Variants in SLC2A13 observed in about 807,000 individuals in gnomAD.
The protein encoded by SLC2A13 is solute carrier family 2 member 13.
Under a neutral mutation model 64.4 loss-of-function variants are expected in SLC2A13, and 32 were observed. The ratio of observed to expected loss-of-function variants is 0.50; its 90% CI spans 0.37 to 0.67. SLC2A13 has a LOEUF of 0.67. Ranked by LOEUF, SLC2A13 falls within the 30% of genes least tolerant of loss-of-function variation. SLC2A13 has a pLI of 0.00. For missense variants in SLC2A13, 743 were observed against 829.2 expected, an observed-to-expected ratio of 0.90 and a Z score of 1.28; for synonymous variants, 338 against 327.1, an observed-to-expected ratio of 1.03 and a Z score of -0.36.
At chr12:40,044,901 G>A (rs1056128894) in intron 2 of SLC2A13, among the ~76,000 whole-genome samples, 2 of 152,116 alleles carry the variant, frequency 1.3e-5, no homozygotes, top group Non-Finnish European at 1.5e-5. Context: ...AGAACCATGA[G>A]GAAGAAAGGA....
chr12:40,105,603 C>G lies in SLC2A13; in HGVS notation c.206G>C (p.Arg69Pro). Residue 69 changes from arginine to proline, a missense_variant, in exon 1 of 10, where the codon CGG becomes CCG. Transcript: ENST00000280871. The surrounding 1 kb of genome is among the most constrained non-coding windows in gnomAD (Gnocchi z 4.2). ...GGVGDLERAARRQFQQDETPA... is the reference protein window; with the variant it reads ...GGVGDLERAAPRQFQQDETPA... ...GGTCTCGTCCTGCTGGAACTGCCGC[C>G]GCGCCGCGCGCTCCAGGTCCCCGAC... The G allele has an allele frequency of 3.9e-6, 6 of 1,522,058 alleles. No individual in the cohort carries two copies. The highest frequency in any genetic ancestry group is 5.3e-6 in the Non-Finnish European group (6 of 1,137,220). 94.3% of individuals were successfully genotyped at this position (1,522,058 alleles called of 1,614,324 possible). A position where few individuals can be genotyped will look rare whatever the true frequency, so the allele number is the denominator to read the frequency against.
At chr12:39,959,082 T>A (rs1381291998) in intron 3 of SLC2A13, among the ~76,000 whole-genome samples, 1 of 152,098 alleles carries the variant, frequency 6.6e-6, no homozygotes, top group African/African-American at 2.4e-5. Context: ...CCAGAGCAAG[T>A]ATGGGGATTG....
Position 39,879,481 on chromosome 12 carries a change from C to A in SLC2A13, c.1035-7520G>T, listed in dbSNP as rs371378721. Among the ~76,000 whole-genome samples, 552 of 152,358 alleles carry A rather than the reference C, an allele frequency of 3.6e-3. 1 individual carries two copies. The highest frequency in any genetic ancestry group is 0.012 in the African/African-American group (498 of 41,578). On this transcript the variant is annotated intron_variant, in intron 4 of 9. Coordinates refer to ENST00000280871, the MANE Select transcript of SLC2A13 (RefSeq NM_052885.4). ...CAAGGCCTTGGGAGCCCAGCCCTTG[C>A]ATCAGTGTTCCCTGGATGTGGAACA...
In SLC2A13 at chr12:39,757,937, T is replaced by C. The variant is rs934058319; in HGVS notation, c.*2089A>G. On this transcript the variant is annotated 3_prime_UTR_variant, in exon 10 of 10. Coordinates refer to ENST00000280871, the MANE Select transcript of SLC2A13 (RefSeq NM_052885.4). ...AAAAATAAATTTTTAGAGAGCACTT[T>C]ATTGGTCTACTTTTTCTCCTTATTA... 2.0e-5 allele frequency: 3 copies of C among 152,326 alleles called. No individual in the cohort carries two copies. Among genetic ancestry groups the C allele is most frequent in the Admixed American group, 1.3e-4 (2 of 15,222 alleles). The allele number at this position is 152,326 out of a possible 1,614,324, so 9.4% of individuals were successfully genotyped here.
At chr12:40,057,182 G>A (rs972161965) in intron 1 of SLC2A13, among the ~76,000 whole-genome samples, 2 of 152,106 alleles carry the variant, frequency 1.3e-5, no homozygotes, top group African/African-American at 2.4e-5. Context: ...GAGTAGAAAT[G>A]AAGCTGTGTG....
intron 3 of SLC2A13, among the ~76,000 whole-genome samples, chr12:39,973,725 T>G (rs1946711454): frequency 6.6e-6 from 1 of 152,232 alleles, no homozygotes; most frequent in South Asian, 2.1e-4. Context: ...ACCTGTCTGT[T>G]AAATCTAATC....
chr12:39,944,105 C>T (rs776255510), intron 4 of SLC2A13, among the ~76,000 whole-genome samples: 27 of 152,174 alleles, frequency 1.8e-4, no homozygotes, highest in Non-Finnish European at 2.5e-4. Flanking sequence ...TTTGGCCCAA[C>T]GCTCATTCAG....
At position 39,884,332 on chromosome 12, in the gene SLC2A13, C is replaced by T. The variant is rs146043169; in HGVS notation, c.1035-12371G>A. 2.3e-3 allele frequency among the ~76,000 whole-genome samples: 343 copies of T among 152,296 alleles called. 1 individual carries two copies. Among genetic ancestry groups the T allele is most frequent in the African/African-American group, 7.7e-3 (322 of 41,568 alleles). ...AAATTATAATCACAAGGAACTTACA[C>T]ATGTCTTCAGAAAATAAAAGACCCT... On this transcript the variant is annotated intron_variant, in intron 4 of 9. Transcript: ENST00000280871.
intron 4 of SLC2A13, among the ~76,000 whole-genome samples, chr12:39,882,114 T>C (rs1158698664): frequency 2.6e-5 from 4 of 152,174 alleles, no homozygotes. Flanking sequence ...TTTTTTATTA[T>C]CCATCATCAC....
At chr12:39,846,638 A>C (rs1943321160) in intron 6 of SLC2A13, among the ~76,000 whole-genome samples, 1 of 152,056 alleles carries the variant, frequency 6.6e-6, no homozygotes, top group South Asian at 2.1e-4. Context: ...TTTTTGGAGA[A>C]ATGGGATTTT....
intron 3 of SLC2A13, among the ~76,000 whole-genome samples, chr12:40,014,627 G>A (rs1304919535): frequency 6.6e-6 from 1 of 152,102 alleles, no homozygotes; most frequent in Non-Finnish European, 1.5e-5. Flanking sequence ...AAGCAGCTGG[G>A]ATTACAGGCA....
At chr12:40,076,633 T>C (rs550951839) in intron 1 of SLC2A13, among the ~76,000 whole-genome samples, 21 of 152,300 alleles carry the variant, frequency 1.4e-4, no homozygotes, top group African/African-American at 4.6e-4. Flanking sequence ...TGTGTCTTTA[T>C]GATAGAACGA....
At chr12:39,984,006 A>T (rs1565576052) in intron 3 of SLC2A13, among the ~76,000 whole-genome samples, 1 of 151,874 alleles carries the variant, frequency 6.6e-6, no homozygotes, top group Non-Finnish European at 1.5e-5. Flanking sequence ...GCCATAAAAA[A>T]GGATGAGTTC....
chr12:40,007,444 G>C (rs1479324753), intron 3 of SLC2A13, among the ~76,000 whole-genome samples: 1 of 151,912 alleles, frequency 6.6e-6, no homozygotes, highest in Non-Finnish European at 1.5e-5. Flanking sequence ...AAAATTAATT[G>C]ACTGTCCACC....
At chr12:39,770,366 C>T (rs1210715384) in intron 7 of SLC2A13, among the ~76,000 whole-genome samples, 1 of 152,128 alleles carries the variant, frequency 6.6e-6, no homozygotes, top group Non-Finnish European at 1.5e-5. Context: ...ACGAAATGAC[C>T]TCTCCAGAAG....
intron 5 of SLC2A13, among the ~76,000 whole-genome samples, chr12:39,867,371 T>G (rs1943936134): frequency 1.3e-5 from 2 of 152,160 alleles, no homozygotes; most frequent in Non-Finnish European, 2.9e-5. Context: ...CCAATTCTAG[T>G]GCCTGGCATA....
At chr12:39,818,215 C>T (rs996838409) in intron 7 of SLC2A13, among the ~76,000 whole-genome samples, 1 of 152,062 alleles carries the variant, frequency 6.6e-6, no homozygotes, top group Non-Finnish European at 1.5e-5. Flanking sequence ...ATCTGATTCC[C>T]CCAGTCATGT....
At chr12:40,056,114 A>G in intron 1 of SLC2A13, among the ~76,000 whole-genome samples, 1 of 152,126 alleles carries the variant, frequency 6.6e-6, no homozygotes, top group South Asian at 2.1e-4. Context: ...AAATAACAGT[A>G]TAATATTCCA....
chr12:39,884,623 GGAGGGTGGGAGCCCATAACACT>G (rs1944426900), intron 4 of SLC2A13, among the ~76,000 whole-genome samples: 1 of 152,166 alleles, frequency 6.6e-6, no homozygotes, highest in South Asian at 2.1e-4. Flanking sequence ...GACTGTTCAG[GGAGGGTGGGAGCCCATAACACT>G]GAGGGTGACC....
Sources: allele counts gnomAD v4.1 joint callset (sites outside exome capture counted in the v4.1 genomes callset), GRCh38; gene constraint gnomAD v4.1.1; non-coding constraint Gnocchi (gnomAD v3.1); transcripts MANE v1.5; gene names NCBI Gene and HGNC (gene_info 2026-07-23, HGNC 2026-07-21).